DNAH11: variants seen among roughly 807,000 people sequenced by gnomAD.
DNAH11 encodes dynein axonemal heavy chain 11.
DNAH11 carries 442 observed loss-of-function variants against 526.0 expected under a neutral mutation model. The ratio of observed to expected loss-of-function variants is 0.84; its 90% CI spans 0.78 to 0.91. The LOEUF is 0.91. Ranked by LOEUF, DNAH11 falls within the 40% of genes least tolerant of loss-of-function variation. The probability of loss-of-function intolerance (pLI) is 0.00; values close to 1 mark genes in which losing one functional copy is unlikely to be tolerated. For missense variants in DNAH11, 6,989 were observed against 5,448.7 expected, an observed-to-expected ratio of 1.28 and a Z score of -8.90; for synonymous variants, 2,461 against 1,935.9, an observed-to-expected ratio of 1.27 and a Z score of -7.12.
At chr7:21,800,525 G>A (rs540354394) in intron 61 of DNAH11, among the ~76,000 whole-genome samples, 4 of 152,200 alleles carry the variant, frequency 2.6e-5, no homozygotes, top group African/African-American at 7.2e-5. Context: ...CCAGCTACTC[G>A]GGAGACTGAG....
intron 66 of DNAH11, among the ~76,000 whole-genome samples, chr7:21,843,528 T>A (rs188313456): frequency 2.0e-5 from 3 of 150,724 alleles, no homozygotes; most frequent in African/African-American, 4.9e-5. Context: ...TCACCAAGGC[T>A]GGAGTGCAGT....
chr7:21,717,977 T>C (rs1255760786), intron 43 of DNAH11, 52 bp downstream of exon 43: 1 of 1,554,188 alleles, frequency 6.4e-7, no homozygotes, highest in East Asian at 2.3e-5. Flanking sequence ...CGGTAGTGTT[T>C]GTTGATCAAG....
intron 54 of DNAH11, among the ~76,000 whole-genome samples, chr7:21,759,028 A>G (rs1786767900): frequency 6.6e-6 from 1 of 152,200 alleles, no homozygotes; most frequent in Admixed American, 6.5e-5. Flanking sequence ...TTTCTTTAAA[A>G]ACAAAACAAA....
chr7:21,587,082 T>A (rs1028228761), intron 9 of DNAH11, among the ~76,000 whole-genome samples: 2 of 152,222 alleles, frequency 1.3e-5, no homozygotes, highest in African/African-American at 4.8e-5. Context: ...GAAACATTGG[T>A]TATATACAAA....
At chr7:21,772,126 C>T (rs1360921090) in intron 55 of DNAH11, among the ~76,000 whole-genome samples, 4 of 152,278 alleles carry the variant, frequency 2.6e-5, no homozygotes, top group African/African-American at 7.2e-5. Flanking sequence ...CCTGGCTCAG[C>T]GAGTCTCCCA....
At chr7:21,677,309 T>A (rs1312350240) in intron 30 of DNAH11, among the ~76,000 whole-genome samples, 1 of 152,070 alleles carries the variant, frequency 6.6e-6, no homozygotes, top group Admixed American at 6.6e-5. Context: ...TGTGTCTTTT[T>A]GTCACATTTT....
At chr7:21,759,916 G>A (rs1562529868) in intron 54 of DNAH11, among the ~76,000 whole-genome samples, 1 of 152,204 alleles carries the variant, frequency 6.6e-6, no homozygotes, top group African/African-American at 2.4e-5. Flanking sequence ...AATTCCAAAA[G>A]CAAGTTCCTG....
chr7:21,754,574 C>A (rs1336319601), intron 54 of DNAH11, among the ~76,000 whole-genome samples: 1 of 151,280 alleles, frequency 6.6e-6, no homozygotes, highest in South Asian at 2.1e-4. Context: ...TCCCCCCCCA[C>A]CCCATCATCA....
At chr7:21,843,974 A>G (rs1211974950) in intron 66 of DNAH11, among the ~76,000 whole-genome samples, 2 of 152,126 alleles carry the variant, frequency 1.3e-5, no homozygotes, top group African/African-American at 4.8e-5. Context: ...GGAACTTGAA[A>G]GGATTTCTTC....
intron 46 of DNAH11, among the ~76,000 whole-genome samples, chr7:21,738,132 C>T (rs1785697711): frequency 6.6e-6 from 1 of 152,100 alleles, no homozygotes; most frequent in Admixed American, 6.5e-5. Context: ...TTTCTTCACC[C>T]AGGACTTTAA....
At chr7:21,876,662 T>C (rs1338226881) in intron 74 of DNAH11, among the ~76,000 whole-genome samples, 5 of 152,232 alleles carry the variant, frequency 3.3e-5, no homozygotes, top group Non-Finnish European at 2.9e-5. Flanking sequence ...GTTCACCATT[T>C]CTAGAATGGG....
chr7:21,766,087 C>G (rs1266158726), intron 55 of DNAH11, among the ~76,000 whole-genome samples: 2 of 152,052 alleles, frequency 1.3e-5, no homozygotes, highest in African/African-American at 4.8e-5. Flanking sequence ...ACCACTAAGT[C>G]AAATAATATA....
At chr7:21,611,561 G>A (rs1785524602) in intron 20 of DNAH11, among the ~76,000 whole-genome samples, 1 of 152,100 alleles carries the variant, frequency 6.6e-6, no homozygotes, top group Admixed American at 6.5e-5. Context: ...GATAGATTCA[G>A]GAAATTCACC....
chr7:21,792,474 T>C (rs1788517457), intron 61 of DNAH11, among the ~76,000 whole-genome samples: 1 of 152,212 alleles, frequency 6.6e-6, no homozygotes. Flanking sequence ...TGAGTAGAAT[T>C]GGTATTATTC....
intron 63 of DNAH11, 83 bp downstream of exon 63, chr7:21,808,132 C>T: frequency 8.6e-7 from 1 of 1,158,064 alleles, no homozygotes; most frequent in African/African-American, 1.6e-5. Flanking sequence ...ATGCCAGGCG[C>T]TTTTGGACGT....
intron 35 of DNAH11, 52 bp from the exon 36 acceptor site, chr7:21,698,023 G>A (rs2128477089): frequency 1.3e-6 from 2 of 1,551,598 alleles, no homozygotes; most frequent in East Asian, 4.7e-5. Flanking sequence ...TCAGCAATTT[G>A]TACTTATCAC....
intron 28 of DNAH11, among the ~76,000 whole-genome samples, chr7:21,652,333 T>G (rs1030670491): frequency 1.3e-5 from 2 of 152,152 alleles, no homozygotes; most frequent in African/African-American, 4.8e-5. Context: ...TACAATAAAT[T>G]TCATGACATT....
chr7:21,717,421 C>T (rs1319647684), intron 42 of DNAH11, among the ~76,000 whole-genome samples: 2 of 152,118 alleles, frequency 1.3e-5, no homozygotes, highest in Admixed American at 6.5e-5. Context: ...AAATCACAAG[C>T]TGTTTTCATA....
At chr7:21,891,980 C>T (rs985658320) in intron 76 of DNAH11, among the ~76,000 whole-genome samples, 1 of 151,966 alleles carries the variant, frequency 6.6e-6, no homozygotes, top group Non-Finnish European at 1.5e-5. Context: ...TGGGGAAGTA[C>T]AGGCTACAGA....
Sources: gnomAD v4.1 joint callset for allele counts (sites outside exome capture counted in the v4.1 genomes callset) on GRCh38, gnomAD v4.1.1 for gene constraint, MANE v1.5 for transcripts, NCBI Gene and HGNC (gene_info 2026-07-23, HGNC 2026-07-21) for gene names.